The following MAF variants were observed in gnomAD, a reference collection of about 807,000 sequenced individuals.
MAF encodes the protein MAF bZIP transcription factor, also known as transcription factor Maf.
MAF carries 10 observed loss-of-function variants against 22.0 expected under a neutral mutation model. That is an observed-to-expected ratio of 0.45 (90% CI 0.28 to 0.77). MAF has a LOEUF of 0.77. MAF is among the 30% of genes least tolerant of loss of function. The probability of loss-of-function intolerance (pLI) is 0.12; values close to 1 mark genes in which losing one functional copy is unlikely to be tolerated. For synonymous variants in MAF, 337 were observed against 255.8 expected (o/e 1.32, Z -3.03); for missense variants, 544 against 548.4 (o/e 0.99, Z 0.08).
the MAF span, among the ~76,000 whole-genome samples, chr16:79,477,969 G>C: frequency 1.6e-5 from 2 of 128,618 alleles, no homozygotes; most frequent in African/African-American, 5.1e-5. Flanking sequence ...TGATCCTCCT[G>C]CCTCAGCCTC....
At chr16:79,581,104 A>C (rs1045202254), downstream of MAF, among the ~76,000 whole-genome samples, 3 of 152,106 alleles carry the variant, frequency 2.0e-5, no homozygotes, top group Non-Finnish European at 2.9e-5. Flanking sequence ...AACACTATTA[A>C]ATGTACAGTA....
At chr16:79,509,520 G>T in the MAF span, among the ~76,000 whole-genome samples, 3 of 151,386 alleles carry the variant, frequency 2.0e-5, no homozygotes, top group Non-Finnish European at 4.4e-5. Flanking sequence ...CCCTGCTGGG[G>T]CTCTGAGACC....
chr16:79,517,630 G>A, the MAF span, among the ~76,000 whole-genome samples: 2 of 143,054 alleles, frequency 1.4e-5, no homozygotes, highest in African/African-American at 2.6e-5. Flanking sequence ...ACTGGAGTGC[G>A]ATGGCAGGAT....
chr16:79,241,084 G>A, the MAF span, among the ~76,000 whole-genome samples: 41 of 152,234 alleles, frequency 2.7e-4, no homozygotes, highest in Admixed American at 1.4e-3. Flanking sequence ...AAGATGGGGA[G>A]AAATCAGCGC....
At chr16:79,449,249 C>A in the MAF span, among the ~76,000 whole-genome samples, 1 of 152,176 alleles carries the variant, frequency 6.6e-6, no homozygotes, top group Admixed American at 6.5e-5. Flanking sequence ...CATTCACTTG[C>A]CCACTTGCCC....
chr16:79,210,973 C>T, the MAF span, among the ~76,000 whole-genome samples: 1 of 151,800 alleles, frequency 6.6e-6, no homozygotes, highest in Non-Finnish European at 1.5e-5. Flanking sequence ...AAAAGGTTTT[C>T]ATGGGATCTG....
At chr16:79,520,249 G>T in the MAF span, among the ~76,000 whole-genome samples, 2 of 152,152 alleles carry the variant, frequency 1.3e-5, no homozygotes, top group Non-Finnish European at 2.9e-5. Flanking sequence ...TGGCACTCCT[G>T]GTTCGAGCCC....
chr16:79,306,593 T>A, the MAF span, among the ~76,000 whole-genome samples: 4 of 152,160 alleles, frequency 2.6e-5, no homozygotes, highest in Non-Finnish European at 5.9e-5. Context: ...TAAATCTATC[T>A]CCAGTTTCCA....
At chr16:79,533,055 G>A in the MAF span, among the ~76,000 whole-genome samples, 13 of 152,196 alleles carry the variant, frequency 8.5e-5, no homozygotes, top group East Asian at 3.9e-4. Context: ...AATGCCCTTC[G>A]GGGTAACTTA....
downstream of MAF, among the ~76,000 whole-genome samples, chr16:79,590,358 T>C (rs1220492217): frequency 6.6e-6 from 1 of 152,184 alleles, no homozygotes; most frequent in Non-Finnish European, 1.5e-5. Flanking sequence ...AGATTCCAGC[T>C]GAGCTTCCAG....
the MAF span, among the ~76,000 whole-genome samples, chr16:79,235,453 A>G: frequency 6.6e-6 from 1 of 152,004 alleles, no homozygotes; most frequent in Non-Finnish European, 1.5e-5. Context: ...TCCCAGCTAC[A>G]CTGGAGGGAG....
the MAF span, among the ~76,000 whole-genome samples, chr16:79,514,600 T>C: frequency 6.6e-6 from 1 of 152,112 alleles, no homozygotes; most frequent in Non-Finnish European, 1.5e-5. Context: ...GACTGAAAAT[T>C]TAGGCTGTAG....
chr16:79,329,354 G>C, the MAF span, among the ~76,000 whole-genome samples: 1 of 152,168 alleles, frequency 6.6e-6, no homozygotes, highest in Non-Finnish European at 1.5e-5. Context: ...GTTTGCATCA[G>C]TCTTTGCTTC....
chr16:79,361,587 G>C, the MAF span, among the ~76,000 whole-genome samples: 1 of 152,198 alleles, frequency 6.6e-6, no homozygotes, highest in Admixed American at 6.6e-5. Context: ...AAAGCTGTCA[G>C]TCTCTGTCAC....
chr16:79,544,604 C>A, the MAF span, among the ~76,000 whole-genome samples: 2 of 151,906 alleles, frequency 1.3e-5, no homozygotes, highest in Non-Finnish European at 2.9e-5. Context: ...GAAACCCCGT[C>A]TCTACTAAAA....
At chr16:79,226,299 C>T in the MAF span, among the ~76,000 whole-genome samples, 2 of 152,156 alleles carry the variant, frequency 1.3e-5, no homozygotes, top group East Asian at 3.9e-4. Context: ...AAACACTGTA[C>T]GTTCTGACTC....
At chr16:79,258,271 G>A in the MAF span, among the ~76,000 whole-genome samples, 725 of 152,304 alleles carry the variant, frequency 4.8e-3, 6 homozygotes, top group African/African-American at 0.017. Context: ...TAAAACATGT[G>A]CAACACTCTA....
the MAF span, among the ~76,000 whole-genome samples, chr16:79,380,735 A>G: frequency 5.3e-5 from 8 of 152,248 alleles, no homozygotes; most frequent in African/African-American, 1.9e-4. Context: ...GGGAAGACTG[A>G]GGCCATAGAG....
the MAF span, among the ~76,000 whole-genome samples, chr16:79,423,038 G>C: frequency 6.6e-6 from 1 of 152,252 alleles, no homozygotes; most frequent in Non-Finnish European, 1.5e-5. Context: ...TGAAAAGCAA[G>C]AAGCAGCCAG....
Sources: allele counts gnomAD v4.1 joint callset (sites outside exome capture counted in the v4.1 genomes callset), GRCh38; gene constraint gnomAD v4.1.1; transcripts MANE v1.5; gene names NCBI Gene and HGNC (gene_info 2026-07-23, HGNC 2026-07-21).